Variants in NALF1 observed in about 807,000 individuals in gnomAD.
The protein encoded by NALF1 is family with sequence similarity 155 member A.
Under a neutral mutation model 48.4 loss-of-function variants are expected in NALF1, and 3 were observed. The ratio of observed to expected loss-of-function variants is 0.06; its 90% CI spans 0.03 to 0.16. NALF1 has a LOEUF of 0.16. NALF1 is among the 10% of genes least tolerant of loss of function. The probability of loss-of-function intolerance (pLI) is 1.00; values close to 1 mark genes in which losing one functional copy is unlikely to be tolerated. For synonymous variants in NALF1, 262 were observed against 245.7 expected, an observed-to-expected ratio of 1.07 and a Z score of -0.62; for missense variants, 526 against 571.5, an observed-to-expected ratio of 0.92 and a Z score of 0.81.
chr13:107,400,982 A>C (rs1883796893), intron 1 of NALF1, among the ~76,000 whole-genome samples: 1 of 152,184 alleles, frequency 6.6e-6, no homozygotes, highest in Non-Finnish European at 1.5e-5. Flanking sequence ...AGAACTTTGA[A>C]GCATAAATGC....
At chr13:107,764,324 G>A (rs1468696584) in intron 1 of NALF1, among the ~76,000 whole-genome samples, 1 of 152,062 alleles carries the variant, frequency 6.6e-6, no homozygotes, top group East Asian at 1.9e-4. Flanking sequence ...TAGCTGATAT[G>A]TTTGTATACG....
chr13:107,729,744 G>A (rs1293648572), intron 1 of NALF1, among the ~76,000 whole-genome samples: 1 of 152,144 alleles, frequency 6.6e-6, no homozygotes, highest in Non-Finnish European at 1.5e-5. Context: ...CTCCCAAAGT[G>A]TTGGGATTAC....
chr13:107,619,444 T>G (rs113009060), intron 1 of NALF1, among the ~76,000 whole-genome samples: 13 of 152,262 alleles, frequency 8.5e-5, no homozygotes, highest in African/African-American at 1.2e-4. Flanking sequence ...CCTTGCAGCA[T>G]AGCCACAGCC....
chr13:107,439,212 T>G lies in NALF1; in HGVS notation c.916-228457A>C, dbSNP rs116310202. ...AGCCTAAAAACAGAGAAAATATTTT[T>G]ACCATACTCTGAGAACCTCAGTCCT... On this transcript the variant is annotated intron_variant, in intron 1 of 2. Transcript: ENST00000375915. Among the ~76,000 whole-genome samples, 870 of 152,318 alleles carry G rather than the reference T, an allele frequency of 5.7e-3. 7 individuals are homozygous for G. The highest frequency in any genetic ancestry group is 0.02 in the African/African-American group (822 of 41,568).
At chr13:107,768,060 C>T (rs769817430) in intron 1 of NALF1, among the ~76,000 whole-genome samples, 1 of 152,126 alleles carries the variant, frequency 6.6e-6, no homozygotes, top group African/African-American at 2.4e-5. Context: ...CAAACCTCAG[C>T]GCCCTCACTT....
intron 1 of NALF1, among the ~76,000 whole-genome samples, chr13:107,300,236 C>T (rs1594110429): frequency 1.3e-5 from 2 of 152,340 alleles, no homozygotes; most frequent in South Asian, 4.1e-4. Flanking sequence ...TCCAAAGTTC[C>T]TGTTCTGATC....
At chr13:107,525,145 T>C (rs1027938496) in intron 1 of NALF1, among the ~76,000 whole-genome samples, 4 of 152,108 alleles carry the variant, frequency 2.6e-5, no homozygotes, top group South Asian at 2.1e-4. Context: ...TACAGTAAAT[T>C]TGACTTTCTT....
At chr13:107,590,221 T>G (rs1007788473) in intron 1 of NALF1, among the ~76,000 whole-genome samples, 3 of 152,046 alleles carry the variant, frequency 2.0e-5, no homozygotes, top group Non-Finnish European at 4.4e-5. Flanking sequence ...ATGAAAATTA[T>G]AATATTCAAC....
intron 1 of NALF1, among the ~76,000 whole-genome samples, chr13:107,501,821 C>T (rs540037649): frequency 2.0e-5 from 3 of 152,244 alleles, no homozygotes; most frequent in South Asian, 4.1e-4. Context: ...CAACAACTAA[C>T]AATTTATTTA....
At chr13:107,351,192 G>A (rs1024066453) in intron 1 of NALF1, among the ~76,000 whole-genome samples, 3 of 152,148 alleles carry the variant, frequency 2.0e-5, no homozygotes, top group Non-Finnish European at 2.9e-5. Flanking sequence ...TCTGATTAAC[G>A]ATACTGTACT....
rs184351089 is a variant in NALF1 at position 107,559,115 on chromosome 13, C to T, written c.915+306567G>A. On this transcript the variant is annotated intron_variant, in intron 1 of 2. Coordinates refer to ENST00000375915, the MANE Select transcript of NALF1 (RefSeq NM_001080396.3). ...TGCATGTATCCTATTGGCTCTCTTC[C>T]TCTGTAGAGCTCTAATACACACCCC... Among the ~76,000 whole-genome samples, 237 of 152,290 alleles carry T rather than the reference C, an allele frequency of 1.6e-3. 1 individual carries two copies. The highest frequency in any genetic ancestry group is 2.8e-3 in the Non-Finnish European group (189 of 68,026).
At chr13:107,320,698 C>T (rs1284640669) in intron 1 of NALF1, among the ~76,000 whole-genome samples, 2 of 152,144 alleles carry the variant, frequency 1.3e-5, no homozygotes, top group Non-Finnish European at 2.9e-5. Flanking sequence ...TGAAAAGGAT[C>T]TACGACAGGA....
At chr13:107,237,899 C>G (rs1160181807) in intron 1 of NALF1, among the ~76,000 whole-genome samples, 1 of 152,096 alleles carries the variant, frequency 6.6e-6, no homozygotes, top group African/African-American at 2.4e-5. Flanking sequence ...GAGATATATT[C>G]CCTATCTCAG....
At chr13:107,817,932 T>G (rs1349985104) in intron 1 of NALF1, among the ~76,000 whole-genome samples, 1 of 152,194 alleles carries the variant, frequency 6.6e-6, no homozygotes, top group Non-Finnish European at 1.5e-5. Flanking sequence ...AAAGATTTAT[T>G]GTTAGATGCC....
At chr13:107,455,004 T>C (rs1404132810) in intron 1 of NALF1, among the ~76,000 whole-genome samples, 4 of 152,210 alleles carry the variant, frequency 2.6e-5, no homozygotes, top group Admixed American at 1.3e-4. Flanking sequence ...TTAATTCCCA[T>C]GTGTCAAGGG....
intron 1 of NALF1, among the ~76,000 whole-genome samples, chr13:107,234,493 G>A (rs773447005): frequency 6.6e-6 from 1 of 151,990 alleles, no homozygotes; most frequent in Non-Finnish European, 1.5e-5. Context: ...AAAGACAGGC[G>A]GGACAGCCAG....
rs772141270 is a variant in NALF1, at chr13:107,866,364, T to C, written c.233A>G (p.Gln78Arg). The change falls in exon 1 of 3, where the codon CAG (glutamine) becomes CGG (arginine). Residue 78 changes from glutamine (Q) to arginine (R), a missense_variant. By Grantham distance (43) the Gln-to-Arg change is conservative. Coordinates refer to ENST00000375915, the MANE Select transcript of NALF1 (RefSeq NM_001080396.3). This position sits in a 1 kb window ranked among gnomAD's most constrained non-coding sequence, Gnocchi z 4.4. ...CTGCTGCTGCTGCTGCTGCTGCTGC[T>C]GCCGCTGCTGCTGCTGGTGCTCCTT... ...RDKEHQQQQR[Q>R]QQQQQQQQRQ... is the part of the protein sequence containing the mutation. 3.2e-6 allele frequency: 5 copies of C among 1,543,608 alleles called. No homozygotes were observed. Among genetic ancestry groups the C allele is most frequent in the African/African-American group, 1.3e-5 (1 of 74,422 alleles).
intron 1 of NALF1, among the ~76,000 whole-genome samples, chr13:107,214,761 C>A (rs1594073716): frequency 6.6e-6 from 1 of 152,196 alleles, no homozygotes; most frequent in Non-Finnish European, 1.5e-5. Context: ...GCAGACTACA[C>A]TAGAAAAATG....
intron 1 of NALF1, among the ~76,000 whole-genome samples, chr13:107,404,071 GA>G: frequency 6.6e-6 from 1 of 152,172 alleles, no homozygotes; most frequent in East Asian, 1.9e-4. Flanking sequence ...CACAGATAAT[GA>G]AAGTATAAAC....
Sources: allele counts gnomAD v4.1 joint callset (sites outside exome capture counted in the v4.1 genomes callset), GRCh38; gene constraint gnomAD v4.1.1; non-coding constraint Gnocchi (gnomAD v3.1); transcripts MANE v1.5; gene names NCBI Gene and HGNC (gene_info 2026-07-23, HGNC 2026-07-21).